Variants in CFAP61 observed in about 807,000 individuals in gnomAD.
The protein encoded by CFAP61 is cilia and flagella associated protein 61.
Under a neutral mutation model 135.6 loss-of-function variants are expected in CFAP61, and 107 were observed. That is an observed-to-expected ratio of 0.79 (90% confidence interval 0.67 to 0.93). The LOEUF (loss-of-function observed/expected upper bound fraction) is 0.93, where lower values mean the gene tolerates loss of function less well. CFAP61 is among the 40% of genes least tolerant of loss of function. CFAP61 has a pLI of 0.00. For missense variants in CFAP61, 1,507 were observed against 1,556.2 expected (o/e 0.97, Z 0.53); for synonymous variants, 575 against 578.5 (o/e 0.99, Z 0.09).
At chr20:20,189,163 C>T (rs138529219) in intron 14 of CFAP61, among the ~76,000 whole-genome samples, 9 of 152,300 alleles carry the variant, frequency 5.9e-5, no homozygotes, top group Middle Eastern at 3.4e-3. Context: ...GAGGGAGACG[C>T]CAAACACCTA....
At chr20:20,059,890 C>A (rs887867552) in intron 2 of CFAP61, among the ~76,000 whole-genome samples, 11 of 151,862 alleles carry the variant, frequency 7.2e-5, no homozygotes, top group Non-Finnish European at 7.4e-5. Context: ...AATAGGAAGC[C>A]AAAGGGTAAT....
intron 8 of CFAP61, among the ~76,000 whole-genome samples, chr20:20,136,149 T>G (rs1348601285): frequency 6.6e-6 from 1 of 152,200 alleles, no homozygotes; most frequent in Non-Finnish European, 1.5e-5. Context: ...TTTCTCTTGC[T>G]GCTTTTAGGG....
chr20:20,323,079 G>C, intron 25 of CFAP61: 2 of 985,408 alleles, frequency 2.0e-6, no homozygotes, highest in Non-Finnish European at 2.4e-6. Context: ...TGCTGCCCTG[G>C]GGCCTAGCCC....
At chr20:20,093,722 G>T (rs1399807471) in intron 7 of CFAP61, among the ~76,000 whole-genome samples, 1 of 152,068 alleles carries the variant, frequency 6.6e-6, no homozygotes, top group Non-Finnish European at 1.5e-5. Flanking sequence ...ACTGCACCAG[G>T]CATGAATTGT....
At chr20:20,134,883 T>C (rs2050800014) in intron 8 of CFAP61, among the ~76,000 whole-genome samples, 1 of 152,110 alleles carries the variant, frequency 6.6e-6, no homozygotes, top group African/African-American at 2.4e-5. Flanking sequence ...CTGCATTCAG[T>C]CAGCCACAGG....
At chr20:20,347,150 C>T (rs781606469) in intron 26 of CFAP61, among the ~76,000 whole-genome samples, 2 of 152,004 alleles carry the variant, frequency 1.3e-5, no homozygotes, top group African/African-American at 4.8e-5. Flanking sequence ...TCTTAAGCAA[C>T]CAGTGGGTCA....
intron 24 of CFAP61, among the ~76,000 whole-genome samples, chr20:20,296,316 C>CTTCCT (rs1468453633): frequency 8.9e-4 from 32 of 36,104 alleles, no homozygotes; most frequent in Non-Finnish European, 1.5e-3. Flanking sequence ...CCTTCCTTCC[C>CTTCCT]TCCTTCCTTC....
intron 13 of CFAP61, among the ~76,000 whole-genome samples, chr20:20,186,769 A>G (rs1331240140): frequency 1.3e-5 from 2 of 152,246 alleles, no homozygotes; most frequent in Admixed American, 1.3e-4. Flanking sequence ...AAATTTAAGC[A>G]CAGATGTTCC....
chr20:20,330,387 A>T (rs948507282), intron 25 of CFAP61, among the ~76,000 whole-genome samples: 15 of 152,068 alleles, frequency 9.9e-5, no homozygotes, highest in African/African-American at 3.6e-4. Flanking sequence ...CCCAGACTGG[A>T]GTGCATGGCG....
chr20:20,213,181 C>T (rs925652187), intron 17 of CFAP61, among the ~76,000 whole-genome samples: 2 of 152,202 alleles, frequency 1.3e-5, no homozygotes, highest in African/African-American at 4.8e-5. Flanking sequence ...AAAGACACGC[C>T]TCCACACACA....
chr20:20,235,266 G>A (rs2049493878), intron 18 of CFAP61, among the ~76,000 whole-genome samples: 1 of 151,936 alleles, frequency 6.6e-6, no homozygotes, highest in African/African-American at 2.4e-5. Context: ...CTCCTTTCTT[G>A]AGACTCCCAA....
intron 9 of CFAP61, among the ~76,000 whole-genome samples, chr20:20,149,266 A>T (rs1259877273): frequency 6.6e-6 from 1 of 152,232 alleles, no homozygotes; most frequent in South Asian, 2.1e-4. Context: ...ACAAGAAAAT[A>T]AAACTGCAGA....
At chr20:20,250,361 C>T (rs1420467982) in intron 19 of CFAP61, among the ~76,000 whole-genome samples, 3 of 152,176 alleles carry the variant, frequency 2.0e-5, no homozygotes, top group Admixed American at 2.0e-4. Context: ...AGCTCATTAC[C>T]CTGTGTTAAG....
At chr20:20,058,885 C>T (rs1175135900) in intron 2 of CFAP61, among the ~76,000 whole-genome samples, 4 of 152,056 alleles carry the variant, frequency 2.6e-5, no homozygotes, top group Non-Finnish European at 5.9e-5. Context: ...AGTCAAAAAT[C>T]GTAAACACAC....
intron 14 of CFAP61, among the ~76,000 whole-genome samples, chr20:20,190,292 T>G (rs2055828346): frequency 6.6e-6 from 1 of 152,244 alleles, no homozygotes; most frequent in Non-Finnish European, 1.5e-5. Context: ...GAATGAACTC[T>G]TGATACATGC....
intron 25 of CFAP61, among the ~76,000 whole-genome samples, chr20:20,331,655 G>T (rs182621416): frequency 2.6e-4 from 40 of 152,324 alleles, no homozygotes; most frequent in Admixed American, 2.2e-3. Flanking sequence ...CTTGCTCTAT[G>T]GAGTTTGCTA....
intron 21 of CFAP61, among the ~76,000 whole-genome samples, chr20:20,274,531 C>T (rs549864887): frequency 5.3e-5 from 8 of 152,152 alleles, no homozygotes; most frequent in Admixed American, 3.3e-4. Context: ...CATAGTGGTG[C>T]GGGCCTGTAA....
rs562629940 is a variant in CFAP61 at position 20,227,760 on chromosome 20, C to A, written c.1933-489C>A. On this transcript the variant is annotated intron_variant, in intron 17 of 26. Coordinates refer to ENST00000245957, the MANE Select transcript of CFAP61 (RefSeq NM_015585.4). Reference sequence around the variant, plus strand: ...TGAGCATCTACTGTCCACAAGACACCGCGTTAAGTAACGTGAGGGACAGAG... The same window carrying A: ...TGAGCATCTACTGTCCACAAGACACAGCGTTAAGTAACGTGAGGGACAGAG... Among the ~76,000 whole-genome samples, 47 of 152,260 alleles carry A rather than the reference C, an allele frequency of 3.1e-4. 1 individual carries two copies. The highest frequency in any genetic ancestry group is 2.8e-3 in the Admixed American group (43 of 15,294).
intron 2 of CFAP61, among the ~76,000 whole-genome samples, chr20:20,061,547 T>G (rs112559634): frequency 0.017 from 2,529 of 152,318 alleles, 68 homozygotes; most frequent in African/African-American, 0.057. Flanking sequence ...AGTGTATAGT[T>G]CAGGACAAAA....
Sources: allele counts gnomAD v4.1 joint callset (sites outside exome capture counted in the v4.1 genomes callset), GRCh38; gene constraint gnomAD v4.1.1; transcripts MANE v1.5; gene names NCBI Gene and HGNC (gene_info 2026-07-23, HGNC 2026-07-21).